Variants in SPAST observed in about 807,000 individuals in gnomAD.
SPAST encodes spastic paraplegia 4 (autosomal dominant; spastin).
SPAST carries 30 observed loss-of-function variants against 76.6 expected under a neutral mutation model. That is an observed-to-expected ratio of 0.39 (90% CI 0.29 to 0.53). The LOEUF (loss-of-function observed/expected upper bound fraction) is 0.53. Among genes scored for constraint, SPAST ranks in the 20% least tolerant of loss-of-function variants. The pLI is 0.68. For synonymous variants in SPAST, 305 were observed against 281.0 expected, an observed-to-expected ratio of 1.09 and a Z score of -0.86; for missense variants, 717 against 770.5, an observed-to-expected ratio of 0.93 and a Z score of 0.82.
intron 2 of SPAST, among the ~76,000 whole-genome samples, chr2:32,088,791 T>C (rs527467075): frequency 5.9e-5 from 9 of 152,332 alleles, no homozygotes; most frequent in Admixed American, 5.2e-4. Flanking sequence ...GAAGAGGCTG[T>C]TTTAGTTTTA....
chr2:32,147,618 T>TTTTGTTTG lies in SPAST; in HGVS notation c.1728+385_1728+392dup, dbSNP rs71407418. ...AGGCTTGAGCCGCTGCATCTGGCTG[T>TTTTGTTTG]TTTGTTTGTTTGTTTGTTTGTTTGT... On this transcript the variant is annotated intron_variant, in intron 16 of 16. Transcript: ENST00000315285. Among the ~76,000 whole-genome samples, 108 of 118,966 alleles carry TTTTGTTTG rather than the reference T, an allele frequency of 9.1e-4. 1 individual carries two copies. Among genetic ancestry groups the TTTTGTTTG allele is most frequent in the Middle Eastern group, 4.5e-3 (1 of 220 alleles). The allele number at this position is 118,966 out of a possible 152,430, so 78.0% of individuals were successfully genotyped here. A position where few individuals can be genotyped will look rare whatever the true frequency, so the allele number is the denominator to read the frequency against.
At chr2:32,105,174 C>G (rs1678272945) in intron 4 of SPAST, among the ~76,000 whole-genome samples, 1 of 152,098 alleles carries the variant, frequency 6.6e-6, no homozygotes, top group Non-Finnish European at 1.5e-5. Flanking sequence ...TTTCTCTAAA[C>G]TTCTCTTCTG....
chr2:32,087,533 ATTG>A lies in SPAST; in HGVS notation c.458_460del (p.Ile153_Glu154delinsLys). On this transcript the variant is annotated inframe_deletion, in exon 2 of 17. Coordinates refer to ENST00000315285, the MANE Select transcript of SPAST (RefSeq NM_014946.4). The stretch of plus-strand genomic sequence containing the variant: ...AGCTGTGGAATGGTATAAGAAAGGT[ATTG>A]AAGAACTGGAAAAAGGAATAGCTGT... The A allele has an allele frequency of 6.2e-7, 1 of 1,609,346 alleles. No homozygotes were observed. The highest frequency in any genetic ancestry group is 8.5e-7 in the Non-Finnish European group (1 of 1,176,444).
At chr2:32,082,343 T>C (rs1677269501) in intron 1 of SPAST, among the ~76,000 whole-genome samples, 1 of 152,082 alleles carries the variant, frequency 6.6e-6, no homozygotes, top group African/African-American at 2.4e-5. Flanking sequence ...GTGCTGATGT[T>C]ATAATCCAAG....
Position 32,098,125 on chromosome 2 carries a change from T to A in SPAST, c.587-671T>A, listed in dbSNP as rs1291646330. On this transcript the variant is annotated intron_variant, in intron 3 of 16. Coordinates refer to ENST00000315285, the MANE Select transcript of SPAST (RefSeq NM_014946.4). The stretch of plus-strand genomic sequence containing the variant: ...AATCTACAGTTTTATTATAAGTTGC[T>A]AATTATATTTAATAAATACCTAAAT... 7.2e-5 allele frequency among the ~76,000 whole-genome samples: 11 copies of A among 152,328 alleles called. No homozygotes were observed. The South Asian group carries it at 2.1e-3, about 29-fold the overall frequency.
intron 4 of SPAST, among the ~76,000 whole-genome samples, chr2:32,114,305 G>A (rs1678738589): frequency 6.6e-6 from 1 of 152,026 alleles, no homozygotes; most frequent in South Asian, 2.1e-4. Flanking sequence ...AGCTACTTGG[G>A]AGTTTGAGGT....
chr2:32,066,972 C>CAAAAAAAAAAAAAAAA (rs60829143), intron 1 of SPAST, among the ~76,000 whole-genome samples: 1 of 77,596 alleles, frequency 1.3e-5, no homozygotes. Flanking sequence ...AAAACTGTCT[C>CAAAAAAAAAAAAAAAA]AAAAAAAAAA....
chr2:32,146,309 A>G (rs1163409919), intron 15 of SPAST, among the ~76,000 whole-genome samples: 1 of 152,232 alleles, frequency 6.6e-6, no homozygotes, highest in Non-Finnish European at 1.5e-5. Flanking sequence ...CTATAATCCC[A>G]GCACTTTGGG....
chr2:32,126,764 G>T, intron 7 of SPAST, 184 bp from the exon 8 acceptor site: 1 of 565,560 alleles, frequency 1.8e-6, no homozygotes, highest in Non-Finnish European at 3.1e-6. Context: ...GGGATTACAG[G>T]TGTGAGCCAC....
Position 32,141,915 on chromosome 2 carries a change from A to G in SPAST, c.1505A>G (p.Lys502Arg). ...ATTTTTTTTTTTAGGCGTTTCATCA[A>G]ACGGGTATATGTGTCTTTACCAAAT... ...LDEAVLRRFIKRVYVSLPNEE... is the reference protein window; with the variant it reads ...LDEAVLRRFIRRVYVSLPNEE... Residue 502 changes from lysine (K) to arginine (R), a missense_variant, in exon 13 of 17, where the codon AAA becomes AGA. Lys to Arg is a conservative substitution (Grantham distance 26). This residue lies in a region of SPAST where 78 missense variants were observed against 197.6 expected (regional missense o/e 0.39). Coordinates refer to ENST00000315285, the MANE Select transcript of SPAST (RefSeq NM_014946.4). 1.2e-6 allele frequency: 2 copies of G among 1,612,482 alleles called. No individual in the cohort carries two copies. The highest frequency in any genetic ancestry group is 1.7e-6 in the Non-Finnish European group (2 of 1,179,332).
chr2:32,104,762 G>T (rs184880065), intron 4 of SPAST, among the ~76,000 whole-genome samples: 132 of 152,294 alleles, frequency 8.7e-4, no homozygotes, highest in Non-Finnish European at 1.7e-3. Context: ...TTTCCTTTAA[G>T]AATGTTGAAT....
At chr2:32,097,991 C>A (rs539291540) in intron 3 of SPAST, among the ~76,000 whole-genome samples, 1 of 152,218 alleles carries the variant, frequency 6.6e-6, no homozygotes, top group East Asian at 1.9e-4. Flanking sequence ...AGCCACTGCG[C>A]CTGGCTGTCC....
chr2:32,100,607 C>G (rs1366524878), intron 4 of SPAST, among the ~76,000 whole-genome samples: 2 of 152,088 alleles, frequency 1.3e-5, no homozygotes, highest in Non-Finnish European at 2.9e-5. Context: ...CTACCCCTCC[C>G]CTCTCCCCTC....
intron 16 of SPAST, among the ~76,000 whole-genome samples, chr2:32,150,750 C>T (rs1443217527): frequency 2.0e-5 from 3 of 151,846 alleles, no homozygotes; most frequent in Non-Finnish European, 4.4e-5. Context: ...TAATCCCACA[C>T]CTAAAAATAT....
intron 16 of SPAST, among the ~76,000 whole-genome samples, chr2:32,152,447 A>G (rs576024895): frequency 2.0e-5 from 3 of 152,038 alleles, no homozygotes; most frequent in Non-Finnish European, 4.4e-5. Flanking sequence ...GCGCACACCT[A>G]TAGTCCTAGC....
At chr2:32,104,552 G>T (rs1418328140) in intron 4 of SPAST, among the ~76,000 whole-genome samples, 1 of 152,212 alleles carries the variant, frequency 6.6e-6, no homozygotes, top group East Asian at 1.9e-4. Context: ...AGCCTCGATG[G>T]TCTTTACAAT....
rs200669185 is a variant in SPAST, at chr2:32,096,880, C to CA, written c.587-1903dup. On this transcript the variant is annotated intron_variant, in intron 3 of 16. Coordinates refer to ENST00000315285, the MANE Select transcript of SPAST (RefSeq NM_014946.4). Reference sequence around the variant, plus strand: ...AAATCAGATGACCAACCTGTTAGCTCAAAAAAAAAAAAACCTCCAAGGTAT... The same window carrying CA: ...AAATCAGATGACCAACCTGTTAGCTCAAAAAAAAAAAAAACCTCCAAGGTAT... 5.1e-3 allele frequency among the ~76,000 whole-genome samples: 674 copies of CA among 133,106 alleles called. 2 individuals carry two copies. The highest frequency in any genetic ancestry group is 0.012 in the African/African-American group (450 of 36,324). 87.3% of individuals were successfully genotyped at this position (133,106 alleles called of 152,430 possible). A position where few individuals can be genotyped will look rare whatever the true frequency, so the allele number is the denominator to read the frequency against.
intron 1 of SPAST, among the ~76,000 whole-genome samples, chr2:32,072,815 T>C (rs570261737): frequency 1.3e-5 from 2 of 152,348 alleles, no homozygotes; most frequent in African/African-American, 4.8e-5. Context: ...AACCTATACC[T>C]ACCACTTTGA....
intron 4 of SPAST, among the ~76,000 whole-genome samples, chr2:32,108,607 G>A (rs1220288908): frequency 6.6e-6 from 1 of 151,822 alleles, no homozygotes; most frequent in Non-Finnish European, 1.5e-5. Context: ...GGGCACCACT[G>A]TGCCAGCTAA....
Sources: gnomAD v4.1 joint callset for allele counts (sites outside exome capture counted in the v4.1 genomes callset) on GRCh38, gnomAD v4.1.1 for gene constraint, gnomAD v4.1.1 regional missense constraint, MANE v1.5 for transcripts, NCBI Gene and HGNC (gene_info 2026-07-23, HGNC 2026-07-21) for gene names.